The following PRKN variants were observed in gnomAD, a reference collection of about 807,000 sequenced individuals.
PRKN encodes parkin RBR E3 ubiquitin protein ligase, also known as E3 ubiquitin-protein ligase parkin.
Under a neutral mutation model 59.5 loss-of-function variants are expected in PRKN, and 56 were observed. The observed-to-expected ratio is 0.94, with a 90% CI of 0.76 to 1.18. The LOEUF (loss-of-function observed/expected upper bound fraction) is 1.18, where lower values mean the gene tolerates loss of function less well. Among genes scored for constraint, PRKN ranks in the 50% most tolerant of loss-of-function variants. The probability of loss-of-function intolerance (pLI) is 0.00; values close to 1 mark genes in which losing one functional copy is unlikely to be tolerated. For synonymous variants in PRKN, 250 were observed against 222.1 expected (o/e 1.13, Z -1.12); for missense variants, 657 against 596.4 (o/e 1.10, Z -1.06).
At chr6:162,521,626 T>G (rs1485532526) in intron 1 of PRKN, among the ~76,000 whole-genome samples, 1 of 152,162 alleles carries the variant, frequency 6.6e-6, no homozygotes, top group Non-Finnish European at 1.5e-5. Flanking sequence ...AAACTCCATA[T>G]AGTAATTCCA....
intron 1 of PRKN, among the ~76,000 whole-genome samples, chr6:162,526,721 G>A (rs1471530827): frequency 2.0e-5 from 3 of 152,066 alleles, no homozygotes; most frequent in African/African-American, 4.8e-5. Flanking sequence ...CTAGATGGAA[G>A]AAAAAGAAAA....
intron 2 of PRKN, among the ~76,000 whole-genome samples, chr6:162,379,311 G>T (rs978260242): frequency 6.6e-6 from 1 of 152,094 alleles, no homozygotes; most frequent in African/African-American, 2.4e-5. Flanking sequence ...CCTATGGGCT[G>T]GGAGTAGGAG....
rs1056663827 is a variant in PRKN at position 161,562,315 on chromosome 6, T to C, written c.933+7040A>G. Among the ~76,000 whole-genome samples, 2 of 152,252 alleles carry C rather than the reference T, an allele frequency of 1.3e-5. No homozygotes were observed. Among genetic ancestry groups the C allele is most frequent in the African/African-American group, 4.8e-5 (2 of 41,532 alleles). ...TCCTCCTCCGGAAGGCCCGCCTACT[T>C]GCCTTCTCAGCTTCCTCAACACCAT... On this transcript the variant is annotated intron_variant, in intron 8 of 11. Transcript: ENST00000366898. The surrounding 1 kb of genome is among the most constrained non-coding windows in gnomAD (Gnocchi z 4.3).
At chr6:161,671,902 G>A (rs1288092634) in intron 7 of PRKN, among the ~76,000 whole-genome samples, 1 of 152,164 alleles carries the variant, frequency 6.6e-6, no homozygotes, top group Non-Finnish European at 1.5e-5. Flanking sequence ...GTCTCAGTCA[G>A]ATTTAGTACA....
intron 2 of PRKN, among the ~76,000 whole-genome samples, chr6:162,263,657 A>G (rs948111188): frequency 1.3e-5 from 2 of 152,208 alleles, no homozygotes; most frequent in Non-Finnish European, 2.9e-5. Context: ...TAGTTTCAGA[A>G]TATCTACTAC....
rs10455880 is a variant in PRKN at position 161,391,900 on chromosome 6, C to A, written c.1084-5023G>T. Among the ~76,000 whole-genome samples, 10,690 of 151,902 alleles carry A rather than the reference C, an allele frequency of 0.07. 445 individuals are homozygous for A. The highest frequency in any genetic ancestry group is 0.1 in the Admixed American group (1,560 of 15,268). On this transcript the variant is annotated intron_variant, in intron 9 of 11. Coordinates refer to ENST00000366898, the MANE Select transcript of PRKN (RefSeq NM_004562.3). This position sits in a 1 kb window ranked among gnomAD's most constrained non-coding sequence, Gnocchi z 4.9. Reference sequence around the variant, plus strand: ...GGAGGTGCCTACCCAGCCCTGAAACCGTGTAAGCCACTTCCTTCCAGTAAA... The same window carrying A: ...GGAGGTGCCTACCCAGCCCTGAAACAGTGTAAGCCACTTCCTTCCAGTAAA...
intron 4 of PRKN, among the ~76,000 whole-genome samples, chr6:162,113,033 G>A (rs1431818563): frequency 6.6e-6 from 1 of 152,122 alleles, no homozygotes; most frequent in Non-Finnish European, 1.5e-5. Context: ...CATGAAAATG[G>A]AAGCAGGCTT....
intron 9 of PRKN, among the ~76,000 whole-genome samples, chr6:161,443,167 TGTG>T (rs1299956390): frequency 2.6e-5 from 4 of 151,790 alleles, no homozygotes; most frequent in Admixed American, 6.6e-5. Flanking sequence ...ATTAGCTGGG[TGTG>T]GTGGTGGTGC....
intron 7 of PRKN, among the ~76,000 whole-genome samples, chr6:161,728,662 GA>G (rs1173957308): frequency 6.6e-6 from 1 of 152,186 alleles, no homozygotes; most frequent in Admixed American, 6.5e-5. Flanking sequence ...TCTTCTGATG[GA>G]ATATTCTTTT....
intron 2 of PRKN, among the ~76,000 whole-genome samples, chr6:162,316,564 G>C (rs1406167209): frequency 6.6e-6 from 1 of 151,876 alleles, no homozygotes; most frequent in Non-Finnish European, 1.5e-5. Context: ...CCGACAAACA[G>C]CCAAAAATTT....
chr6:162,219,231 A>C (rs573437954), intron 3 of PRKN, among the ~76,000 whole-genome samples: 1 of 152,110 alleles, frequency 6.6e-6, no homozygotes, highest in Admixed American at 6.6e-5. Context: ...TCAGCCAAAG[A>C]CTTCACTTGC....
rs60022612 is a variant in PRKN at position 161,954,711 on chromosome 6, T to A, written c.734+18591A>T. Among the ~76,000 whole-genome samples the A allele has an allele frequency of 5.2e-3, 790 of 152,308 alleles. 3 individuals carry two copies. The highest frequency in any genetic ancestry group is 0.017 in the African/African-American group (712 of 41,558). On this transcript the variant is annotated intron_variant, in intron 6 of 11. Coordinates refer to ENST00000366898, the MANE Select transcript of PRKN (RefSeq NM_004562.3). ...AAAGGGTGACACCTATTAAACCTGA[T>A]CGAGGTTTTTGGAATTTATTTAAAA...
At chr6:162,480,660 C>T (rs1438359583) in intron 1 of PRKN, among the ~76,000 whole-genome samples, 1 of 151,992 alleles carries the variant, frequency 6.6e-6, no homozygotes, top group Non-Finnish European at 1.5e-5. Flanking sequence ...GGACACTGCC[C>T]ACCCCATCTT....
In PRKN at chr6:162,078,004, A is replaced by T. The variant is rs1582999411; in HGVS notation, c.535-23830T>A. On this transcript the variant is annotated intron_variant, in intron 4 of 11. Transcript: ENST00000366898. The stretch of plus-strand genomic sequence containing the variant: ...CAACAGAGAGAGACTCTCTCTCTAA[A>T]AAAAAAAAAAAAAAAAAAATTATTT... 7.6e-4 allele frequency among the ~76,000 whole-genome samples: 4 copies of T among 5,254 alleles called. No individual in the cohort carries two copies. The Admixed American group carries it at 0.011, about 14-fold the overall frequency. The allele number at this position is 5,254 out of a possible 152,430, so 3.4% of individuals were successfully genotyped here.
Position 161,817,741 on chromosome 6 carries a change from CA to C in PRKN, c.735-31834del, listed in dbSNP as rs200757368. Among the ~76,000 whole-genome samples the C allele has an allele frequency of 9.1e-3, 1,380 of 152,240 alleles. 20 individuals are homozygous for C. The highest frequency in any genetic ancestry group is 0.032 in the African/African-American group (1,323 of 41,534). On this transcript the variant is annotated intron_variant, in intron 6 of 11. Transcript: ENST00000366898. ...TATATAGACTAAGTTACAATAAAAA[CA>C]AAGAACTGTGAACACAATCACACAT...
intron 9 of PRKN, among the ~76,000 whole-genome samples, chr6:161,421,562 C>G (rs2115028733): frequency 6.6e-6 from 1 of 152,256 alleles, no homozygotes. Context: ...CCCCATGTAG[C>G]ATTAACGGGG....
rs1403355985 is a variant in PRKN at position 161,407,671 on chromosome 6, A to G, written c.1084-20794T>C. Among the ~76,000 whole-genome samples, 2 of 152,208 alleles carry G rather than the reference A, an allele frequency of 1.3e-5. No individual in the cohort carries two copies. The highest frequency in any genetic ancestry group is 4.8e-5 in the African/African-American group (2 of 41,442). ...CCCTGTGACCTGCACATATACGTCC[A>G]GATGGCCTGCAGGAGCCAAGAAGTC... On this transcript the variant is annotated intron_variant, in intron 9 of 11. Coordinates refer to ENST00000366898, the MANE Select transcript of PRKN (RefSeq NM_004562.3). The surrounding 1 kb of genome is among the most constrained non-coding windows in gnomAD (Gnocchi z 4.9).
At chr6:162,602,818 A>G (rs7756486) in intron 1 of PRKN, among the ~76,000 whole-genome samples, 32,832 of 152,164 alleles carry the variant, frequency 0.22, 3,980 homozygotes, top group African/African-American at 0.32. Context: ...GGGTCTCAAA[A>G]GCAGAGAGTG....
At chr6:161,900,676 A>G (rs1367144856) in intron 6 of PRKN, among the ~76,000 whole-genome samples, 1 of 128,124 alleles carries the variant, frequency 7.8e-6, no homozygotes, top group Non-Finnish European at 1.6e-5. Context: ...TATATGTTAT[A>G]TATAATATAT....
Sources: gnomAD v4.1 joint callset for allele counts (sites outside exome capture counted in the v4.1 genomes callset) on GRCh38, gnomAD v4.1.1 for gene constraint, Gnocchi (gnomAD v3.1) non-coding constraint, MANE v1.5 for transcripts, NCBI Gene and HGNC (gene_info 2026-07-23, HGNC 2026-07-21) for gene names.